The following GSK3B variants were observed in gnomAD, a reference collection of about 807,000 sequenced individuals.
GSK3B encodes the protein glycogen synthase kinase 3 beta.
Under a neutral mutation model 56.4 loss-of-function variants are expected in GSK3B, and 15 were observed. The ratio of observed to expected loss-of-function variants is 0.27; its 90% CI spans 0.18 to 0.41. The LOEUF is 0.41. GSK3B is among the 10% of genes least tolerant of loss of function. The probability of loss-of-function intolerance (pLI) is 1.00; values close to 1 mark genes in which losing one functional copy is unlikely to be tolerated. For synonymous variants in GSK3B, 181 were observed against 188.9 expected (o/e 0.96, Z 0.34); for missense variants, 300 against 513.4 (o/e 0.58, Z 4.02).
At chr3:119,953,392 G>T (rs1005958954) in intron 2 of GSK3B, among the ~76,000 whole-genome samples, 6 of 152,034 alleles carry the variant, frequency 3.9e-5, no homozygotes, top group Non-Finnish European at 7.4e-5. Context: ...CAATCAAAAG[G>T]CTATATAAAA....
chr3:120,001,300 G>C lies in GSK3B; in HGVS notation c.282+746C>G, dbSNP rs113636336. On this transcript the variant is annotated intron_variant, in intron 2 of 10. Transcript: ENST00000264235. ...TAATCCCAGCACTTTGGGAGGCTGA[G>C]ACAGGCGACTTGCCTGAGCTCAGGA... Among the ~76,000 whole-genome samples, 688 of 152,228 alleles carry C rather than the reference G, an allele frequency of 4.5e-3. 7 individuals carry two copies. Among genetic ancestry groups the C allele is most frequent in the African/African-American group, 0.016 (664 of 41,534 alleles).
At chr3:119,953,770 C>T (rs1168919451) in intron 2 of GSK3B, among the ~76,000 whole-genome samples, 1 of 152,126 alleles carries the variant, frequency 6.6e-6, no homozygotes, top group Non-Finnish European at 1.5e-5. Context: ...GTGGAATGTG[C>T]TGACTCTCTC....
intron 1 of GSK3B, among the ~76,000 whole-genome samples, chr3:120,075,966 TA>T (rs2058364183): frequency 6.6e-6 from 1 of 151,790 alleles, no homozygotes; most frequent in African/African-American, 2.4e-5. Flanking sequence ...CTTCCTGAGT[TA>T]AAATTAAATT....
chr3:120,033,788 G>GCTCT (rs371531394), intron 1 of GSK3B, among the ~76,000 whole-genome samples: 1 of 150,648 alleles, frequency 6.6e-6, no homozygotes, highest in Non-Finnish European at 1.5e-5. Context: ...TTGCTCGCTC[G>GCTCT]CTCTCTCTCT....
intron 5 of GSK3B, among the ~76,000 whole-genome samples, chr3:119,913,893 A>G (rs1216670245): frequency 4.6e-5 from 7 of 152,120 alleles, no homozygotes; most frequent in Non-Finnish European, 1.5e-5. Flanking sequence ...CCCTGTTTTT[A>G]GGCTGCATGA....
intron 1 of GSK3B, among the ~76,000 whole-genome samples, chr3:120,064,774 G>A (rs1458233212): frequency 2.6e-5 from 4 of 152,142 alleles, no homozygotes; most frequent in Non-Finnish European, 4.4e-5. Flanking sequence ...CAGTAATCAA[G>A]ACAGTGTAGT....
At chr3:119,837,746 T>A (rs2055713408) in intron 10 of GSK3B, among the ~76,000 whole-genome samples, 1 of 151,774 alleles carries the variant, frequency 6.6e-6, no homozygotes, top group South Asian at 2.1e-4. Context: ...TAAAATGGTT[T>A]GTATTTGATT....
chr3:119,964,994 A>G (rs1390440389), intron 2 of GSK3B, among the ~76,000 whole-genome samples: 1 of 151,904 alleles, frequency 6.6e-6, no homozygotes, highest in Non-Finnish European at 1.5e-5. Context: ...AAACAAATCA[A>G]AAGCAAAATA....
intron 1 of GSK3B, among the ~76,000 whole-genome samples, chr3:120,057,616 T>C (rs1387099736): frequency 6.6e-6 from 1 of 152,230 alleles, no homozygotes; most frequent in Non-Finnish European, 1.5e-5. Flanking sequence ...TATTAAAAGT[T>C]CAAAATAAGC....
At chr3:119,997,220 G>C (rs760823399) in intron 2 of GSK3B, among the ~76,000 whole-genome samples, 4 of 152,162 alleles carry the variant, frequency 2.6e-5, no homozygotes, top group Non-Finnish European at 5.9e-5. Flanking sequence ...CACATTAAAT[G>C]CATCTAGAAG....
intron 7 of GSK3B, among the ~76,000 whole-genome samples, chr3:119,899,507 G>A (rs2056604691): frequency 6.6e-6 from 1 of 152,076 alleles, no homozygotes; most frequent in African/African-American, 2.4e-5. Context: ...CTTTTATGAT[G>A]AGCAGTCATT....
chr3:119,897,764 A>G (rs2056582863), intron 7 of GSK3B, among the ~76,000 whole-genome samples: 1 of 148,268 alleles, frequency 6.7e-6, no homozygotes, highest in Non-Finnish European at 1.5e-5. Flanking sequence ...CTGAACTTCC[A>G]GCCTGGGTGA....
intron 10 of GSK3B, among the ~76,000 whole-genome samples, chr3:119,839,184 G>A (rs1460722204): frequency 6.6e-6 from 1 of 152,140 alleles, no homozygotes; most frequent in Non-Finnish European, 1.5e-5. Flanking sequence ...TGCTTTTTCA[G>A]AAGCAGCAAT....
chr3:119,845,951 A>ATATGG (rs1400869483), intron 9 of GSK3B, among the ~76,000 whole-genome samples: 3 of 152,230 alleles, frequency 2.0e-5, no homozygotes, highest in Non-Finnish European at 4.4e-5. Context: ...CAAAAAAGAT[A>ATATGG]TACAGACCAA....
chr3:120,005,554 C>T (rs1309224130), intron 1 of GSK3B, among the ~76,000 whole-genome samples: 1 of 152,122 alleles, frequency 6.6e-6, no homozygotes, highest in Non-Finnish European at 1.5e-5. Flanking sequence ...AAAGGGAAGG[C>T]CATCAGACTA....
At chr3:119,905,904 A>G (rs777740175) in intron 6 of GSK3B, 52 bp from the exon 7 acceptor site, 7 of 1,002,242 alleles carry the variant, frequency 7.0e-6, no homozygotes, top group Non-Finnish European at 9.6e-6. Flanking sequence ...CTTGAGCTGA[A>G]AAGTGTTTGT....
rs1460457668 is a variant in GSK3B at position 119,936,302 on chromosome 3, CATAAATATATATAAAAAT to C, written c.366+10948_366+10965del. Among the ~76,000 whole-genome samples the C allele has an allele frequency of 1.6e-3, 239 of 146,002 alleles. 1 individual carries two copies. The highest frequency in any genetic ancestry group is 5.6e-3 in the African/African-American group (226 of 40,152). On this transcript the variant is annotated intron_variant, in intron 3 of 10. Transcript: ENST00000264235. ...GGCTTCAGGTTATATATATAAATAA[CATAAATATATATAAAAAT>C]ATAAATATATATAAAAAATATATAT...
At chr3:119,987,719 A>G (rs941298939) in intron 2 of GSK3B, among the ~76,000 whole-genome samples, 2 of 152,218 alleles carry the variant, frequency 1.3e-5, no homozygotes, top group African/African-American at 4.8e-5. Context: ...AAATATGCCT[A>G]CAAGGTCTTA....
At chr3:120,026,645 C>A (rs2057930182) in intron 1 of GSK3B, among the ~76,000 whole-genome samples, 1 of 151,522 alleles carries the variant, frequency 6.6e-6, no homozygotes, top group Admixed American at 6.6e-5. Context: ...GCAACCTCCA[C>A]CTCCCAGGTT....
Sources: gnomAD v4.1 joint callset for allele counts (sites outside exome capture counted in the v4.1 genomes callset) on GRCh38, gnomAD v4.1.1 for gene constraint, MANE v1.5 for transcripts, NCBI Gene and HGNC (gene_info 2026-07-23, HGNC 2026-07-21) for gene names.